KIRREL3: variants seen among roughly 807,000 people sequenced by gnomAD.
KIRREL3 encodes kirre like nephrin family adhesion molecule 3, also known as kin of IRRE-like protein 3.
A neutral mutation model predicts 89.7 loss-of-function variants in KIRREL3; 36 were observed. The ratio of observed to expected loss-of-function variants is 0.40; its 90% CI spans 0.31 to 0.53. The LOEUF is 0.53. Ranked by LOEUF, KIRREL3 falls within the 20% of genes least tolerant of loss-of-function variation. The pLI, the probability that KIRREL3 is intolerant of heterozygous loss-of-function variation, is 0.49. For synonymous variants in KIRREL3, 445 were observed against 441.4 expected, an observed-to-expected ratio of 1.01 and a Z score of -0.10; for missense variants, 864 against 1,056.6, an observed-to-expected ratio of 0.82 and a Z score of 2.53.
intron 4 of KIRREL3, among the ~76,000 whole-genome samples, chr11:126,510,943 C>T (rs968273149): frequency 4.6e-5 from 7 of 152,112 alleles, no homozygotes; most frequent in African/African-American, 1.4e-4. Context: ...TGACAGTTGT[C>T]CTGGTGCCTC....
Position 126,491,132 on chromosome 11 carries a change from A to G in KIRREL3, c.434-17666T>C, listed in dbSNP as rs1207298888. Among the ~76,000 whole-genome samples, 1 of 152,186 alleles carries G rather than the reference A, an allele frequency of 6.6e-6. No homozygotes were observed. The highest frequency in any genetic ancestry group is 1.5e-5 in the Non-Finnish European group (1 of 68,030). On this transcript the variant is annotated intron_variant, in intron 4 of 16. Transcript: ENST00000525144. This position sits in a 1 kb window ranked among gnomAD's most constrained non-coding sequence, Gnocchi z 5.5. ...TCCCAAAGACAAGCCCTGAGTCTCC[A>G]GGCCACCACTTTCTACCTGCGTGGA...
chr11:126,553,774 G>A lies in KIRREL3; in HGVS notation c.133+9061C>T, dbSNP rs1053671305. Among the ~76,000 whole-genome samples the A allele has an allele frequency of 6.6e-6, 1 of 152,144 alleles. No individual in the cohort carries two copies. The highest frequency in any genetic ancestry group is 1.9e-4 in the East Asian group (1 of 5,196). On this transcript the variant is annotated intron_variant, in intron 2 of 16. Transcript: ENST00000525144. This position sits in a 1 kb window ranked among gnomAD's most constrained non-coding sequence, Gnocchi z 4.7. ...CCATTGCCCTTCTGCCTGGCCACTC[G>A]GCCAGGCCATTGGTCACTGCCCATG...
rs1191546560 is a variant in KIRREL3 at position 126,740,356 on chromosome 11, A to T, written c.56-177444T>A. ...AAAGAAATTAAAGTGCTGCATTGCT[A>T]AACTCAGTGGAGATGGTATTCATTC... On this transcript the variant is annotated intron_variant, in intron 1 of 16. Coordinates refer to ENST00000525144, the MANE Select transcript of KIRREL3 (RefSeq NM_032531.4). This position sits in a 1 kb window ranked among gnomAD's most constrained non-coding sequence, Gnocchi z 6.0. Among the ~76,000 whole-genome samples, 1 of 152,170 alleles carries T rather than the reference A, an allele frequency of 6.6e-6. No individual in the cohort carries two copies. The highest frequency in any genetic ancestry group is 1.5e-5 in the Non-Finnish European group (1 of 68,028).
chr11:126,675,411 G>T (rs2135074856), intron 1 of KIRREL3, among the ~76,000 whole-genome samples: 1 of 152,358 alleles, frequency 6.6e-6, no homozygotes, highest in Middle Eastern at 3.4e-3. Context: ...TTTGGACTGA[G>T]ATTACAATGA....
At chr11:126,625,048 G>C (rs927303175) in intron 1 of KIRREL3, among the ~76,000 whole-genome samples, 5 of 152,074 alleles carry the variant, frequency 3.3e-5, no homozygotes, top group African/African-American at 1.2e-4. Context: ...CAGGGAACAG[G>C]GTGGGTTTTC....
chr11:126,548,418 C>T (rs963106881), intron 2 of KIRREL3, among the ~76,000 whole-genome samples: 30 of 152,218 alleles, frequency 2.0e-4, no homozygotes, highest in Admixed American at 3.3e-4. Flanking sequence ...ACAACACCCT[C>T]ACCCAGCAGC....
intron 1 of KIRREL3, among the ~76,000 whole-genome samples, chr11:126,727,001 C>G (rs1322775140): frequency 6.6e-6 from 1 of 152,220 alleles, no homozygotes; most frequent in African/African-American, 2.4e-5. Context: ...GGACACGCCT[C>G]CAGCACAGAT....
In KIRREL3 at chr11:126,905,922, G is replaced by A. The variant is rs73569677; in HGVS notation, c.55+94533C>T. ...CAGCTAAGTGAGGATGCACGGAGGA[G>A]ATGAAACAGGCTGACAGGCAGAGCC... On this transcript the variant is annotated intron_variant, in intron 1 of 16. Coordinates refer to ENST00000525144, the MANE Select transcript of KIRREL3 (RefSeq NM_032531.4). The surrounding 1 kb of genome is among the most constrained non-coding windows in gnomAD (Gnocchi z 5.0). Among the ~76,000 whole-genome samples, 1,889 of 152,326 alleles carry A rather than the reference G, an allele frequency of 0.012. 53 individuals are homozygous for A. Among genetic ancestry groups the A allele is most frequent in the African/African-American group, 0.044 (1,817 of 41,574 alleles).
At chr11:126,967,395 A>G (rs900790335) in intron 1 of KIRREL3, among the ~76,000 whole-genome samples, 1 of 152,186 alleles carries the variant, frequency 6.6e-6, no homozygotes, top group Non-Finnish European at 1.5e-5. Context: ...CTACCAGGGA[A>G]TAACTTCCCA....
intron 1 of KIRREL3, among the ~76,000 whole-genome samples, chr11:126,949,720 A>G (rs1948723308): frequency 6.6e-6 from 1 of 152,194 alleles, no homozygotes; most frequent in Non-Finnish European, 1.5e-5. Context: ...ACGTTCCCAA[A>G]ATAAAATTCA....
chr11:126,677,503 G>T lies in KIRREL3; in HGVS notation c.56-114591C>A, dbSNP rs1946248529. Among the ~76,000 whole-genome samples, 1 of 152,182 alleles carries T rather than the reference G, an allele frequency of 6.6e-6. No homozygotes were observed. Among genetic ancestry groups the T allele is most frequent in the Non-Finnish European group, 1.5e-5 (1 of 68,032 alleles). ...AGCCAGCCTTATCAACCCCATTTTA[G>T]TTGAGAGTGCTGAGGTTCGGAGGTG... On this transcript the variant is annotated intron_variant, in intron 1 of 16. Coordinates refer to ENST00000525144, the MANE Select transcript of KIRREL3 (RefSeq NM_032531.4). This position sits in a 1 kb window ranked among gnomAD's most constrained non-coding sequence, Gnocchi z 5.1.
chr11:126,999,149 AGTGT>A lies in KIRREL3; in HGVS notation c.55+1302_55+1305del, dbSNP rs56695003. Among the ~76,000 whole-genome samples the A allele has an allele frequency of 1.4e-4, 20 of 141,248 alleles. No homozygotes were observed. The highest frequency in any genetic ancestry group is 9.3e-4 in the South Asian group (4 of 4,318). 92.7% of individuals were successfully genotyped at this position (141,248 alleles called of 152,430 possible). ...AAGCACACAACCATATGAATACATGAGTGTGTGTGTGTGTGTGTGTGTACATACA... is the reference window on the plus strand; with the variant it reads ...AAGCACACAACCATATGAATACATGAGTGTGTGTGTGTGTGTGTACATACA... On this transcript the variant is annotated intron_variant, in intron 1 of 16. Transcript: ENST00000525144. The surrounding 1 kb of genome is among the most constrained non-coding windows in gnomAD (Gnocchi z 5.7).
chr11:126,612,913 T>C lies in KIRREL3; in HGVS notation c.56-50001A>G, dbSNP rs1170975085. On this transcript the variant is annotated intron_variant, in intron 1 of 16. Coordinates refer to ENST00000525144, the MANE Select transcript of KIRREL3 (RefSeq NM_032531.4). This position sits in a 1 kb window ranked among gnomAD's most constrained non-coding sequence, Gnocchi z 4.5. ...TAGACATTTGGGCTGTTTCCACTTTTCGGCTATTGTGAATACTGCTGCTAT... is the reference window on the plus strand; with the variant it reads ...TAGACATTTGGGCTGTTTCCACTTTCCGGCTATTGTGAATACTGCTGCTAT... 6.6e-6 allele frequency among the ~76,000 whole-genome samples: 1 copy of C among 152,252 alleles called. No individual in the cohort carries two copies. Among genetic ancestry groups the C allele is most frequent in the Non-Finnish European group, 1.5e-5 (1 of 68,042 alleles).
At position 126,622,289 on chromosome 11, in the gene KIRREL3, T is replaced by C. The variant is rs1325716790; in HGVS notation, c.56-59377A>G. 1.3e-5 allele frequency among the ~76,000 whole-genome samples: 2 copies of C among 152,352 alleles called. No individual in the cohort carries two copies. Among genetic ancestry groups the C allele is most frequent in the East Asian group, 3.9e-4 (2 of 5,192 alleles). On this transcript the variant is annotated intron_variant, in intron 1 of 16. Coordinates refer to ENST00000525144, the MANE Select transcript of KIRREL3 (RefSeq NM_032531.4). The surrounding 1 kb of genome is among the most constrained non-coding windows in gnomAD (Gnocchi z 5.2). ...TTACTTTTTCAAGGTGCCTTCTAAA[T>C]GTTAAAAATGGTGACACATTTTATC...
intron 1 of KIRREL3, among the ~76,000 whole-genome samples, chr11:126,760,861 C>T (rs560506178): frequency 1.3e-5 from 2 of 152,246 alleles, no homozygotes; most frequent in African/African-American, 2.4e-5. Context: ...GTGAAACAGC[C>T]GATGTGGAAA....
chr11:126,819,418 C>T (rs1943131372), intron 1 of KIRREL3, among the ~76,000 whole-genome samples: 2 of 152,200 alleles, frequency 1.3e-5, no homozygotes, highest in African/African-American at 4.8e-5. Context: ...ATTAATTTCT[C>T]AGGCATAATA....
rs895838977 is a variant in KIRREL3 at position 126,496,609 on chromosome 11, G to A, written c.434-23143C>T. ...GACCACATCCACAGGGTCTTGGGAG[G>A]TGGGGTGGAGGGACATTCCTGGAGA... On this transcript the variant is annotated intron_variant, in intron 4 of 16. Coordinates refer to ENST00000525144, the MANE Select transcript of KIRREL3 (RefSeq NM_032531.4). This position sits in a 1 kb window ranked among gnomAD's most constrained non-coding sequence, Gnocchi z 4.9. Among the ~76,000 whole-genome samples, 1 of 152,130 alleles carries A rather than the reference G, an allele frequency of 6.6e-6. No individual in the cohort carries two copies. The highest frequency in any genetic ancestry group is 1.5e-5 in the Non-Finnish European group (1 of 68,016).
At chr11:126,473,491 C>G in intron 4 of KIRREL3, 25 bp from the exon 5 acceptor site, 1 of 1,511,672 alleles carries the variant, frequency 6.6e-7, no homozygotes, top group Non-Finnish European at 9.0e-7. Flanking sequence ...GCAGTGAGGT[C>G]AGGCCGAGGC....
intron 1 of KIRREL3, among the ~76,000 whole-genome samples, chr11:126,743,769 C>A (rs1214594460): frequency 6.6e-6 from 1 of 152,186 alleles, no homozygotes; most frequent in Non-Finnish European, 1.5e-5. Flanking sequence ...ATGAGATAAT[C>A]TGGCTGAGTT....
Sources: gnomAD v4.1 joint callset for allele counts (sites outside exome capture counted in the v4.1 genomes callset) on GRCh38, gnomAD v4.1.1 for gene constraint, Gnocchi (gnomAD v3.1) non-coding constraint, MANE v1.5 for transcripts, NCBI Gene and HGNC (gene_info 2026-07-23, HGNC 2026-07-21) for gene names.